LRRC4C: variants seen among roughly 807,000 people sequenced by gnomAD.
LRRC4C encodes the protein leucine rich repeat containing 4C.
LRRC4C carries 5 observed loss-of-function variants against 33.6 expected under a neutral mutation model. The observed-to-expected ratio is 0.15, with a 90% CI of 0.08 to 0.31. The LOEUF is 0.31. Ranked by LOEUF, LRRC4C falls within the 10% of genes least tolerant of loss-of-function variation. The pLI, the probability that LRRC4C is intolerant of heterozygous loss-of-function variation, is 1.00. For missense variants in LRRC4C, 560 were observed against 796.7 expected (o/e 0.70, Z 3.58); for synonymous variants, 329 against 302.0 (o/e 1.09, Z -0.93).
chr11:40,831,701 G>A (rs1397180196), intron 2 of LRRC4C, among the ~76,000 whole-genome samples: 2 of 152,132 alleles, frequency 1.3e-5, no homozygotes, highest in Non-Finnish European at 2.9e-5. Flanking sequence ...ATGGCAGAAG[G>A]CAAAGGAGGA....
At chr11:41,115,781 T>C (rs1942088017) in intron 1 of LRRC4C, among the ~76,000 whole-genome samples, 3 of 152,088 alleles carry the variant, frequency 2.0e-5, no homozygotes, top group Admixed American at 1.3e-4. Context: ...TCCTTGTCAG[T>C]CTCCCGCAAC....
At chr11:40,375,779 C>T (rs774182793) in intron 3 of LRRC4C, among the ~76,000 whole-genome samples, 27 of 152,094 alleles carry the variant, frequency 1.8e-4, no homozygotes, top group Non-Finnish European at 2.6e-4. Flanking sequence ...AACTGACCAA[C>T]GCTTGGGAGT....
chr11:40,560,426 A>G (rs920446919), intron 3 of LRRC4C, among the ~76,000 whole-genome samples: 1 of 137,966 alleles, frequency 7.2e-6, no homozygotes, highest in African/African-American at 2.7e-5. Flanking sequence ...CCAACCAATG[A>G]TGTGTGTGCC....
chr11:40,651,637 A>G (rs1942810509), intron 2 of LRRC4C, among the ~76,000 whole-genome samples: 1 of 152,218 alleles, frequency 6.6e-6, no homozygotes, highest in Admixed American at 6.5e-5. Context: ...GGAAAACTAT[A>G]CGTTTAGCAC....
At chr11:40,901,516 C>T (rs1307620736) in intron 2 of LRRC4C, among the ~76,000 whole-genome samples, 1 of 152,038 alleles carries the variant, frequency 6.6e-6, no homozygotes, top group Non-Finnish European at 1.5e-5. Flanking sequence ...TTTGATATGG[C>T]ATTTTTCAAA....
Position 41,141,410 on chromosome 11 carries a change from G to A in LRRC4C, c.-495-207687C>T, listed in dbSNP as rs181002786. ...GATCCAACTGCTCATTAAAAAGTTT[G>A]AAAAGTATTAACTGAAACCTCTAAT... On this transcript the variant is annotated intron_variant, in intron 1 of 6. Coordinates refer to ENST00000528697, the MANE Select transcript of LRRC4C (RefSeq NM_001258419.2). 7.8e-4 allele frequency among the ~76,000 whole-genome samples: 118 copies of A among 152,194 alleles called. 3 individuals are homozygous for A. The East Asian group carries it at 9.9e-3, about 13-fold the overall frequency.
intron 6 of LRRC4C, among the ~76,000 whole-genome samples, chr11:40,136,568 G>A (rs991053128): frequency 2.6e-5 from 4 of 151,734 alleles, no homozygotes; most frequent in South Asian, 2.1e-4. Context: ...GAGCCACCAC[G>A]CCCGGCCCAT....
At chr11:41,322,356 T>C (rs10501261) in intron 1 of LRRC4C, among the ~76,000 whole-genome samples, 24,190 of 152,004 alleles carry the variant, frequency 0.16, 2,346 homozygotes, top group East Asian at 0.44. Flanking sequence ...GTTTACCCTC[T>C]GCAAAATTGT....
At chr11:41,002,856 T>C (rs950938662) in intron 1 of LRRC4C, among the ~76,000 whole-genome samples, 1 of 152,124 alleles carries the variant, frequency 6.6e-6, no homozygotes, top group Non-Finnish European at 1.5e-5. Context: ...GCATACGCCT[T>C]TGATGGTTAT....
At chr11:40,730,217 C>T (rs1947491950) in intron 2 of LRRC4C, among the ~76,000 whole-genome samples, 1 of 151,956 alleles carries the variant, frequency 6.6e-6, no homozygotes, top group Non-Finnish European at 1.5e-5. Flanking sequence ...CTAACCTGCA[C>T]ACTGTGCACA....
At chr11:40,801,648 A>G (rs1951047174) in intron 2 of LRRC4C, among the ~76,000 whole-genome samples, 1 of 152,150 alleles carries the variant, frequency 6.6e-6, no homozygotes, top group Admixed American at 6.6e-5. Flanking sequence ...TATATCTAAT[A>G]ATTTTTTAAT....
intron 3 of LRRC4C, among the ~76,000 whole-genome samples, chr11:40,557,836 C>A (rs1249562527): frequency 6.6e-6 from 1 of 152,026 alleles, no homozygotes; most frequent in Non-Finnish European, 1.5e-5. Flanking sequence ...ATTCTACTGC[C>A]ACATATTTAT....
intron 1 of LRRC4C, among the ~76,000 whole-genome samples, chr11:41,392,692 C>A (rs1953650942): frequency 6.6e-6 from 1 of 151,566 alleles, no homozygotes; most frequent in Non-Finnish European, 1.5e-5. Context: ...TGACTGATAT[C>A]CTTATGAAAA....
intron 2 of LRRC4C, among the ~76,000 whole-genome samples, chr11:40,924,105 T>TGC (rs2136390561): frequency 8.0e-6 from 1 of 124,530 alleles, no homozygotes; most frequent in East Asian, 2.7e-4. Context: ...TGTGTATGTG[T>TGC]GTGTGTGTGT....
chr11:41,132,160 A>G (rs770333508), intron 1 of LRRC4C, among the ~76,000 whole-genome samples: 4 of 152,124 alleles, frequency 2.6e-5, no homozygotes, highest in Non-Finnish European at 5.9e-5. Flanking sequence ...ACCCTTTTCC[A>G]GTAACAATAT....
chr11:40,982,046 C>T (rs1030456245), intron 1 of LRRC4C, among the ~76,000 whole-genome samples: 2 of 152,064 alleles, frequency 1.3e-5, no homozygotes, highest in Non-Finnish European at 2.9e-5. Context: ...AATTTAAATT[C>T]CCCATGACTA....
intron 3 of LRRC4C, among the ~76,000 whole-genome samples, chr11:40,542,903 A>C (rs1956780577): frequency 6.6e-6 from 1 of 152,170 alleles, no homozygotes; most frequent in African/African-American, 2.4e-5. Context: ...GTTAAGGCAT[A>C]CATTTAAACT....
chr11:40,876,279 T>TTTC, intron 2 of LRRC4C, among the ~76,000 whole-genome samples: 1 of 150,276 alleles, frequency 6.7e-6, no homozygotes, highest in African/African-American at 2.5e-5. Flanking sequence ...TTTTTTTTTT[T>TTTC]TTCATTGGGG....
chr11:40,954,558 C>T (rs1373727398), intron 1 of LRRC4C, among the ~76,000 whole-genome samples: 1 of 151,812 alleles, frequency 6.6e-6, no homozygotes, highest in Admixed American at 6.6e-5. Flanking sequence ...ATGTTAATAG[C>T]ATAGCATCCC....
Sources: allele counts gnomAD v4.1 joint callset (sites outside exome capture counted in the v4.1 genomes callset), GRCh38; gene constraint gnomAD v4.1.1; transcripts MANE v1.5; gene names NCBI Gene and HGNC (gene_info 2026-07-23, HGNC 2026-07-21).